CALN1: variants seen among roughly 807,000 people sequenced by gnomAD.
CALN1 encodes the protein calneuron 1, also known as calcium-binding protein 8.
In CALN1, 17 loss-of-function variants were observed where a neutral mutation model predicts 30.6. The ratio of observed to expected loss-of-function variants is 0.56; its 90% CI spans 0.38 to 0.83. CALN1 has a LOEUF of 0.83. Ranked by LOEUF, CALN1 falls within the 40% of genes least tolerant of loss-of-function variation. The pLI, the probability that CALN1 is intolerant of heterozygous loss-of-function variation, is 0.00. For missense variants in CALN1, 291 were observed against 354.9 expected, an observed-to-expected ratio of 0.82 and a Z score of 1.45; for synonymous variants, 156 against 131.4, an observed-to-expected ratio of 1.19 and a Z score of -1.28.
At chr7:72,045,056 G>A (rs981486068) in intron 4 of CALN1, among the ~76,000 whole-genome samples, 9 of 152,262 alleles carry the variant, frequency 5.9e-5, no homozygotes, top group South Asian at 2.1e-4. Flanking sequence ...AACTTCTCAC[G>A]GAAGTCTCCA....
At chr7:72,118,954 CAA>C (rs1808190579) in intron 3 of CALN1, among the ~76,000 whole-genome samples, 1 of 152,092 alleles carries the variant, frequency 6.6e-6, no homozygotes, top group African/African-American at 2.4e-5. Flanking sequence ...TTTTAAAAAT[CAA>C]AAGACAGATT....
Position 71,917,672 on chromosome 7 carries a change from C to A in CALN1, c.501+105985G>T, listed in dbSNP as rs530952022. ...TGAGTGCAAGTGGGGGGAGGAAATG[C>A]CAGATGCTTAAAAAACCATCAGATC... On this transcript the variant is annotated intron_variant, in intron 5 of 6. Coordinates refer to ENST00000395275, the MANE Select transcript of CALN1 (RefSeq NM_031468.4). Among the ~76,000 whole-genome samples, 97 of 152,146 alleles carry A rather than the reference C, an allele frequency of 6.4e-4. 1 individual carries two copies. Among genetic ancestry groups the A allele is most frequent in the Non-Finnish European group, 9.0e-4 (61 of 68,006 alleles).
intron 3 of CALN1, among the ~76,000 whole-genome samples, chr7:72,190,121 C>T (rs1389801223): frequency 6.6e-6 from 1 of 152,070 alleles, no homozygotes; most frequent in African/African-American, 2.4e-5. Flanking sequence ...TTTGGGAGGC[C>T]GAGGTGGGCA....
At chr7:71,960,255 G>C (rs115319001) in intron 5 of CALN1, among the ~76,000 whole-genome samples, 3,336 of 152,106 alleles carry the variant, frequency 0.022, 123 homozygotes, top group African/African-American at 0.075. Context: ...TGTATATATT[G>C]CATCATGAAC....
At chr7:71,963,369 G>C (rs990052041) in intron 5 of CALN1, among the ~76,000 whole-genome samples, 1 of 152,060 alleles carries the variant, frequency 6.6e-6, no homozygotes, top group Non-Finnish European at 1.5e-5. Context: ...CACCATGTTG[G>C]CCAGGATGGT....
In CALN1 at chr7:71,943,505, A is replaced by G. The variant is rs112603014; in HGVS notation, c.501+80152T>C. ...ACCCAGGCTGGAGCACAGTGGCACG[A>G]TATCAGCTCATGGCAACCTCTGCCT... On this transcript the variant is annotated intron_variant, in intron 5 of 6. Transcript: ENST00000395275. Among the ~76,000 whole-genome samples, 1,408 of 152,276 alleles carry G rather than the reference A, an allele frequency of 9.2e-3. 20 individuals are homozygous for G. Among genetic ancestry groups the G allele is most frequent in the African/African-American group, 0.031 (1,284 of 41,552 alleles).
rs1432860427 is a variant in CALN1 at position 72,081,730 on chromosome 7, A to G, written c.388+24421T>C. ...AGCCCTGCTAAGAAACCTACTGAGA[A>G]CAGCCATTAGCTCCTCCCTGGACTA... On this transcript the variant is annotated intron_variant, in intron 4 of 6. Transcript: ENST00000395275. Among the ~76,000 whole-genome samples the G allele has an allele frequency of 2.0e-5, 3 of 151,982 alleles. No homozygotes were observed. The South Asian group carries it at 6.2e-4, about 32-fold the overall frequency.
intron 5 of CALN1, among the ~76,000 whole-genome samples, chr7:72,015,728 G>T (rs1800341504): frequency 6.6e-6 from 1 of 152,158 alleles, no homozygotes; most frequent in Non-Finnish European, 1.5e-5. Context: ...ATAGGTGTGA[G>T]TCACTTGCTG....
chr7:72,168,260 G>T (rs1788669478), intron 3 of CALN1, among the ~76,000 whole-genome samples: 1 of 151,426 alleles, frequency 6.6e-6, no homozygotes, highest in Admixed American at 6.6e-5. Context: ...AAATAACTTG[G>T]GAAGAGGATC....
At chr7:72,186,203 T>A (rs1244419219) in intron 3 of CALN1, among the ~76,000 whole-genome samples, 1 of 152,118 alleles carries the variant, frequency 6.6e-6, no homozygotes, top group Admixed American at 6.5e-5. Context: ...GCCCCACCCA[T>A]CACTTCTGAC....
intron 4 of CALN1, among the ~76,000 whole-genome samples, chr7:72,101,452 T>C (rs1200517924): frequency 6.6e-6 from 1 of 152,168 alleles, no homozygotes; most frequent in Admixed American, 6.6e-5. Flanking sequence ...GAAATATCTC[T>C]AAAATATAAA....
chr7:72,238,544 G>C (rs1794624515), intron 3 of CALN1, among the ~76,000 whole-genome samples: 1 of 152,100 alleles, frequency 6.6e-6, no homozygotes, highest in African/African-American at 2.4e-5. Context: ...ATCTCATCTT[G>C]AACTGTAGTT....
intron 1 of CALN1, among the ~76,000 whole-genome samples, chr7:72,424,065 C>A (rs1444096231): frequency 6.6e-6 from 1 of 151,240 alleles, no homozygotes; most frequent in Non-Finnish European, 1.5e-5. Context: ...AATACATGCA[C>A]CTGAATTTGT....
intron 5 of CALN1, among the ~76,000 whole-genome samples, chr7:71,832,383 A>G (rs1392151473): frequency 6.6e-6 from 1 of 152,246 alleles, no homozygotes; most frequent in African/African-American, 2.4e-5. Flanking sequence ...AAACAGCAAC[A>G]AAGTGCAATC....
chr7:71,860,613 C>T (rs1417923970), intron 5 of CALN1, among the ~76,000 whole-genome samples: 2 of 152,124 alleles, frequency 1.3e-5, no homozygotes, highest in Non-Finnish European at 2.9e-5. Flanking sequence ...GAATCAGGAC[C>T]CCTTTTTGGT....
At chr7:72,206,484 TCTA>T (rs1483734935) in intron 3 of CALN1, among the ~76,000 whole-genome samples, 4 of 152,228 alleles carry the variant, frequency 2.6e-5, no homozygotes, top group East Asian at 1.9e-4. Flanking sequence ...ATGATTTGCT[TCTA>T]CTCTTTGAAA....
chr7:71,876,090 G>GTAAAGAAAAA (rs1792229549), intron 5 of CALN1, among the ~76,000 whole-genome samples: 1 of 151,452 alleles, frequency 6.6e-6, no homozygotes, highest in Non-Finnish European at 1.5e-5. Context: ...AGTTAACAGG[G>GTAAAGAAAAA]AAAGAAAAAA....
At chr7:71,798,615 C>CTT (rs34161533) in intron 6 of CALN1, among the ~76,000 whole-genome samples, 3,015 of 114,812 alleles carry the variant, frequency 0.026, 208 homozygotes, top group African/African-American at 0.098. Context: ...TGGTAAGAGT[C>CTT]TTTTTTTTTT....
chr7:72,018,397 CAT>C (rs1202060692), intron 5 of CALN1, among the ~76,000 whole-genome samples: 1 of 152,112 alleles, frequency 6.6e-6, no homozygotes, highest in East Asian at 1.9e-4. Flanking sequence ...TCCCATATAC[CAT>C]ATCCTAAGGC....
Sources: allele counts gnomAD v4.1 joint callset (sites outside exome capture counted in the v4.1 genomes callset), GRCh38; gene constraint gnomAD v4.1.1; transcripts MANE v1.5; gene names NCBI Gene and HGNC (gene_info 2026-07-23, HGNC 2026-07-21).